Variants in PMFBP1 observed in about 807,000 individuals in gnomAD.
The protein encoded by PMFBP1 is polyamine-modulated factor 1-binding protein 1.
Under a neutral mutation model 137.8 loss-of-function variants are expected in PMFBP1, and 131 were observed. The ratio of observed to expected loss-of-function variants is 0.95; its 90% CI spans 0.82 to 1.10. The LOEUF (loss-of-function observed/expected upper bound fraction) is 1.10. Among genes scored for constraint, PMFBP1 ranks in the 50% least tolerant of loss-of-function variants. PMFBP1 has a pLI of 0.00. For missense variants in PMFBP1, 1,199 were observed against 1,175.4 expected (o/e 1.02, Z -0.29); for synonymous variants, 490 against 450.4 (o/e 1.09, Z -1.11).
chr16:72,171,772 T>C (rs72791114), intron 1 of PMFBP1: 6,066 of 152,296 alleles, frequency 0.04, 193 homozygotes, highest in Middle Eastern at 0.13. Context: ...TATGAGGAGC[T>C]TCCATTAATT....
chr16:72,185,972 G>A, the PMFBP1 span, among the ~76,000 whole-genome samples: 1 of 152,188 alleles, frequency 6.6e-6, no homozygotes, highest in African/African-American at 2.4e-5. Flanking sequence ...ACAGCATCTT[G>A]TAACTATCTT....
In PMFBP1 at chr16:72,129,218, A is replaced by G; in HGVS notation, c.1798T>C (p.Ser600Pro). 2.5e-6 allele frequency: 4 copies of G among 1,612,620 alleles called. No individual in the cohort carries two copies. Among genetic ancestry groups the G allele is most frequent in the Non-Finnish European group, 3.4e-6 (4 of 1,179,982 alleles). The change falls in exon 13 of 21, where the codon TCC (serine) becomes CCC (proline). Residue 600 changes from serine to proline, a missense_variant. By Grantham distance (74) the Ser-to-Pro change is moderately conservative (BLOSUM62 -1). Coordinates refer to ENST00000237353, the MANE Select transcript of PMFBP1 (RefSeq NM_031293.3). ...TCTTCTTCTAACTTGCATTTGATGGAGCCTTGCTCCCTGTGCTGAAAAAAT... is the reference window on the plus strand; with the variant it reads ...TCTTCTTCTAACTTGCATTTGATGGGGCCTTGCTCCCTGTGCTGAAAAAAT... ...RIKHQHREQG[S>P]IKCKLEEDLQ... is the part of the protein sequence containing the mutation.
chr16:72,139,343 T>A lies in PMFBP1; in HGVS notation c.864A>T (p.Thr288=). The change falls in exon 7 of 21, where the codon ACA becomes ACT. Residue 288 remains threonine (T), a synonymous_variant. Transcript: ENST00000237353. ...IKLQADFASC[T]ATHRYPPSSS... Reference sequence around the variant, plus strand: ...AGCTAGGAGGGTATCTGTGGGTGGCTGTACAGGAAGCAAAATCGGCTTGTA... The same window carrying A: ...AGCTAGGAGGGTATCTGTGGGTGGCAGTACAGGAAGCAAAATCGGCTTGTA... The A allele has an allele frequency of 1.2e-6, 2 of 1,614,208 alleles. No individual in the cohort carries two copies. Among genetic ancestry groups the A allele is most frequent in the Non-Finnish European group, 1.7e-6 (2 of 1,180,014 alleles).
intron 18 of PMFBP1, among the ~76,000 whole-genome samples, 186 bp from the exon 19 acceptor site, chr16:72,123,174 C>G (rs1244264959): frequency 6.6e-6 from 1 of 152,166 alleles, no homozygotes; most frequent in African/African-American, 2.4e-5. Context: ...ACTCTCTGAA[C>G]TCAACTCCTA....
intron 16 of PMFBP1, 31 bp from the exon 17 acceptor site, chr16:72,124,965 C>A (rs764939526): frequency 1.9e-6 from 3 of 1,605,978 alleles, no homozygotes; most frequent in South Asian, 1.1e-5. Context: ...AGGAGGGGGA[C>A]TCCAGCTGGC....
At chr16:72,216,356 G>A in the PMFBP1 span, among the ~76,000 whole-genome samples, 1 of 152,264 alleles carries the variant, frequency 6.6e-6, no homozygotes, top group Middle Eastern at 3.4e-3. Flanking sequence ...GATTAATACA[G>A]AAATGGAAGT....
Position 72,164,691 on chromosome 16 carries a change from A to G in PMFBP1, c.165+73T>C, listed in dbSNP as rs139045360. The stretch of plus-strand genomic sequence containing the variant: ...TGAATGAACAGTGGAAGAACTTTCT[A>G]TTATTCCCGCCCAAGGGAGCAGAGG... On this transcript the variant is annotated intron_variant, in intron 3 of 20. Coordinates refer to ENST00000237353, the MANE Select transcript of PMFBP1 (RefSeq NM_031293.3). The G allele has an allele frequency of 5.0e-5, 75 of 1,510,606 alleles. 1 individual carries two copies. In the African/African-American group the frequency reaches 8.6e-4, roughly 17 times the overall value. The allele number at this position is 1,510,606 out of a possible 1,614,324, so 93.6% of individuals were successfully genotyped here. A position where few individuals can be genotyped will look rare whatever the true frequency, so the allele number is the denominator to read the frequency against.
upstream of PMFBP1, among the ~76,000 whole-genome samples, chr16:72,180,515 C>T (rs1161142934): frequency 6.6e-6 from 1 of 152,138 alleles, no homozygotes; most frequent in African/African-American, 2.4e-5. Context: ...TCTCCCCAAC[C>T]AAAAGGGTAA....
intron 5 of PMFBP1, among the ~76,000 whole-genome samples, chr16:72,145,088 GCAC>G (rs2042784955): frequency 6.6e-6 from 1 of 152,126 alleles, no homozygotes; most frequent in Non-Finnish European, 1.5e-5. Context: ...ATTCTTCTCA[GCAC>G]CACATCACAC....
chr16:72,209,231 C>G, the PMFBP1 span, among the ~76,000 whole-genome samples: 1 of 152,232 alleles, frequency 6.6e-6, no homozygotes, highest in African/African-American at 2.4e-5. Context: ...TATCTCTACT[C>G]CAAGCATCCC....
At chr16:72,235,239 A>C in the PMFBP1 span, among the ~76,000 whole-genome samples, 1 of 152,124 alleles carries the variant, frequency 6.6e-6, no homozygotes, top group Non-Finnish European at 1.5e-5. Context: ...GCACATGAAT[A>C]TCCAGTTTTT....
At chr16:72,217,124 T>C in the PMFBP1 span, among the ~76,000 whole-genome samples, 8 of 152,146 alleles carry the variant, frequency 5.3e-5, no homozygotes, top group Non-Finnish European at 8.8e-5. Context: ...TCCGTGCATC[T>C]AGGTGAAGCC....
chr16:72,154,565 C>T, intron 3 of PMFBP1, 106 bp from the exon 4 acceptor site: 2 of 1,295,866 alleles, frequency 1.5e-6, no homozygotes, highest in Admixed American at 4.6e-5. Context: ...TCCATCTATC[C>T]ATCTTTTTAT....
the PMFBP1 span, among the ~76,000 whole-genome samples, chr16:72,234,970 A>G: frequency 6.6e-6 from 1 of 152,196 alleles, no homozygotes; most frequent in East Asian, 1.9e-4. Flanking sequence ...TTATTTGCAA[A>G]TATTTTATCC....
At chr16:72,247,558 A>G in the PMFBP1 span, among the ~76,000 whole-genome samples, 46 of 152,224 alleles carry the variant, frequency 3.0e-4, no homozygotes, top group Non-Finnish European at 4.1e-4. Context: ...ATACTTGGAC[A>G]TTATCTTGAG....
chr16:72,145,850 T>A (rs892947997), intron 5 of PMFBP1, among the ~76,000 whole-genome samples: 17 of 152,192 alleles, frequency 1.1e-4, no homozygotes, highest in Admixed American at 3.3e-4. Context: ...AATCTCTGAA[T>A]AGACCAATAA....
At chr16:72,239,968 A>G in the PMFBP1 span, among the ~76,000 whole-genome samples, 3 of 151,838 alleles carry the variant, frequency 2.0e-5, no homozygotes, top group Non-Finnish European at 4.4e-5. Context: ...ATGAGGTTTA[A>G]TATTAAAATA....
At chr16:72,171,532 C>A in intron 1 of PMFBP1, 1 of 365,294 alleles carries the variant, frequency 2.7e-6, no homozygotes, top group Non-Finnish European at 5.0e-6. Context: ...TCTTGGAAAG[C>A]AAAAAGTCTG....
At chr16:72,248,239 G>A in the PMFBP1 span, among the ~76,000 whole-genome samples, 2 of 152,146 alleles carry the variant, frequency 1.3e-5, no homozygotes, top group Non-Finnish European at 1.5e-5. Flanking sequence ...ATTAGTTGGC[G>A]CTGACAGGAT....
Sources: gnomAD v4.1 joint callset for allele counts (sites outside exome capture counted in the v4.1 genomes callset) on GRCh38, gnomAD v4.1.1 for gene constraint, MANE v1.5 for transcripts, NCBI Gene and HGNC (gene_info 2026-07-23, HGNC 2026-07-21) for gene names.